Variants in ADGRL3 observed in about 807,000 individuals in gnomAD.
ADGRL3 encodes calcium-independent alpha-latrotoxin receptor 3.
Under a neutral mutation model 153.5 loss-of-function variants are expected in ADGRL3, and 62 were observed. The ratio of observed to expected loss-of-function variants is 0.40; its 90% CI spans 0.33 to 0.50. ADGRL3 has a LOEUF of 0.50. ADGRL3 is among the 20% of genes least tolerant of loss of function. The pLI, the probability that ADGRL3 is intolerant of heterozygous loss-of-function variation, is 0.47. For synonymous variants in ADGRL3, 710 were observed against 672.5 expected (o/e 1.06, Z -0.86); for missense variants, 1,641 against 1,859.4 (o/e 0.88, Z 2.16).
intron 1 of ADGRL3, among the ~76,000 whole-genome samples, chr4:61,251,834 A>G (rs757686659): frequency 8.9e-6 from 1 of 112,974 alleles, no homozygotes; most frequent in Non-Finnish European, 2.0e-5. Context: ...GTGATACTTT[A>G]TTTTTCTTGC....
intron 2 of ADGRL3, among the ~76,000 whole-genome samples, chr4:61,438,966 C>T (rs2097492453): frequency 6.6e-6 from 1 of 151,944 alleles, no homozygotes. Flanking sequence ...CTCTGCCTCC[C>T]AAAGTGCGGT....
rs562001501 is a variant in ADGRL3, at chr4:61,736,209, G to T, written c.1399+2655G>T. 1.8e-3 allele frequency among the ~76,000 whole-genome samples: 270 copies of T among 151,876 alleles called. 2 individuals carry two copies. The highest frequency in any genetic ancestry group is 4.8e-3 in the South Asian group (23 of 4,814). On this transcript the variant is annotated intron_variant, in intron 8 of 26. Transcript: ENST00000683033. ...CATATGTATGTATGTACATACATATGGGGGGGTAAGAGAATGAATCATTGT... is the reference window on the plus strand; with the variant it reads ...CATATGTATGTATGTACATACATATTGGGGGGTAAGAGAATGAATCATTGT...
chr4:61,416,864 A>C (rs969894907), intron 2 of ADGRL3, among the ~76,000 whole-genome samples: 3 of 152,170 alleles, frequency 2.0e-5, no homozygotes, highest in Non-Finnish European at 2.9e-5. Flanking sequence ...TATATAATGA[A>C]ATAATTATAC....
rs143167058 is a variant in ADGRL3, at chr4:61,428,441, T to C, written c.-174+45252T>C. On this transcript the variant is annotated intron_variant, in intron 2 of 26. Coordinates refer to ENST00000683033, the MANE Select transcript of ADGRL3 (RefSeq NM_001387552.1). ...CCATTTTCCTTACAGCGACAGAAGA[T>C]AACATTAAAGGGAATGTTAAGGAAA... Among the ~76,000 whole-genome samples, 10 of 152,320 alleles carry C rather than the reference T, an allele frequency of 6.6e-5. No homozygotes were observed. The East Asian group carries it at 1.9e-3, about 29-fold the overall frequency.
At chr4:61,542,638 T>C (rs1221929748) in intron 4 of ADGRL3, among the ~76,000 whole-genome samples, 3 of 152,206 alleles carry the variant, frequency 2.0e-5, no homozygotes, top group African/African-American at 7.2e-5. Flanking sequence ...TTGAAAGTGT[T>C]TATAGCAGTT....
At chr4:61,572,395 G>A (rs1034886013) in intron 4 of ADGRL3, among the ~76,000 whole-genome samples, 6 of 152,094 alleles carry the variant, frequency 3.9e-5, no homozygotes, top group Middle Eastern at 3.4e-3. Context: ...CACTCAACTT[G>A]TCATGATCTT....
intron 1 of ADGRL3, among the ~76,000 whole-genome samples, chr4:61,336,858 C>CTTTTTTT (rs573900304): frequency 7.5e-6 from 1 of 134,160 alleles, no homozygotes. Context: ...CTTACAGTTC[C>CTTTTTTT]TTTTTTTTTT....
At chr4:61,571,777 T>G (rs780128762) in intron 4 of ADGRL3, among the ~76,000 whole-genome samples, 12 of 152,194 alleles carry the variant, frequency 7.9e-5, no homozygotes, top group Non-Finnish European at 1.5e-4. Flanking sequence ...GATAATTGAT[T>G]TAATTCCAAT....
At chr4:61,984,710 C>G (rs1282791442) in intron 19 of ADGRL3, among the ~76,000 whole-genome samples, 5 of 152,110 alleles carry the variant, frequency 3.3e-5, no homozygotes, top group African/African-American at 1.2e-4. Context: ...CCCCAGAGGT[C>G]GCTATGTTGC....
At chr4:61,321,680 C>T (rs2095359150) in intron 1 of ADGRL3, among the ~76,000 whole-genome samples, 2 of 151,222 alleles carry the variant, frequency 1.3e-5, no homozygotes, top group African/African-American at 2.4e-5. Flanking sequence ...ATAATTGTAA[C>T]ACAATGTTAA....
At chr4:61,604,502 T>G (rs1467929771) in intron 5 of ADGRL3, among the ~76,000 whole-genome samples, 1 of 152,220 alleles carries the variant, frequency 6.6e-6, no homozygotes. Context: ...TATTTAACAT[T>G]GTATAATATG....
At chr4:61,281,632 C>G (rs2093727326) in intron 1 of ADGRL3, among the ~76,000 whole-genome samples, 1 of 152,054 alleles carries the variant, frequency 6.6e-6, no homozygotes, top group Admixed American at 6.6e-5. Flanking sequence ...CTTCTAGATG[C>G]CTTATCGCCA....
intron 9 of ADGRL3, among the ~76,000 whole-genome samples, chr4:61,876,908 TAA>T (rs33929278): frequency 0.41 from 55,615 of 135,526 alleles, 11,293 homozygotes; most frequent in East Asian, 0.64. Context: ...GCTTTCACTT[TAA>T]AAAAAAAAAA....
intron 5 of ADGRL3, among the ~76,000 whole-genome samples, chr4:61,626,495 G>A (rs1192743262): frequency 1.3e-5 from 2 of 151,912 alleles, no homozygotes; most frequent in African/African-American, 2.4e-5. Flanking sequence ...GTTGAAACGT[G>A]AAATTTCTTC....
At chr4:61,834,003 T>C (rs2097904212) in intron 9 of ADGRL3, among the ~76,000 whole-genome samples, 1 of 150,106 alleles carries the variant, frequency 6.7e-6, no homozygotes, top group Admixed American at 6.7e-5. Context: ...TTAGGGTACA[T>C]GTGCACAACG....
At chr4:62,025,327 C>A (rs1717872408) in intron 21 of ADGRL3, among the ~76,000 whole-genome samples, 1 of 152,178 alleles carries the variant, frequency 6.6e-6, no homozygotes, top group East Asian at 1.9e-4. Context: ...TCTTCCTCCA[C>A]TGCCTGCTAA....
intron 9 of ADGRL3, among the ~76,000 whole-genome samples, chr4:61,878,487 A>C (rs1381161495): frequency 6.6e-6 from 1 of 152,200 alleles, no homozygotes; most frequent in Non-Finnish European, 1.5e-5. Flanking sequence ...ACTTCCTGTA[A>C]GTCTATAAGT....
intron 9 of ADGRL3, among the ~76,000 whole-genome samples, chr4:61,880,091 G>A (rs1026288195): frequency 6.6e-5 from 10 of 151,030 alleles, no homozygotes; most frequent in African/African-American, 1.7e-4. Context: ...AAAATAAAGT[G>A]GTGCATAAGT....
chr4:61,960,929 C>G (rs889579451), intron 17 of ADGRL3, among the ~76,000 whole-genome samples: 1 of 152,072 alleles, frequency 6.6e-6, no homozygotes, highest in Non-Finnish European at 1.5e-5. Context: ...AGGAGGGTTT[C>G]GATCTCTTGA....
Sources: allele counts gnomAD v4.1 joint callset (sites outside exome capture counted in the v4.1 genomes callset), GRCh38; gene constraint gnomAD v4.1.1; transcripts MANE v1.5; gene names NCBI Gene and HGNC (gene_info 2026-07-23, HGNC 2026-07-21).